FOXP4: variants seen among roughly 807,000 people sequenced by gnomAD.
The protein encoded by FOXP4 is forkhead box protein P4.
A neutral mutation model predicts 82.6 loss-of-function variants in FOXP4; 25 were observed. The ratio of observed to expected loss-of-function variants is 0.30; its 90% confidence interval spans 0.22 to 0.42. FOXP4 has a LOEUF of 0.42. FOXP4 is among the 10% of genes least tolerant of loss of function. The pLI is 1.00. For missense variants in FOXP4, 785 were observed against 900.9 expected (o/e 0.87, Z 1.65); for synonymous variants, 415 against 388.2 (o/e 1.07, Z -0.81).
chr6:41,557,139 G>A (rs1445088753), intron 1 of FOXP4, among the ~76,000 whole-genome samples: 1 of 152,172 alleles, frequency 6.6e-6, no homozygotes, highest in Non-Finnish European at 1.5e-5. Flanking sequence ...TGACCTTAGG[G>A]AACTCACCCA....
intron 1 of FOXP4, among the ~76,000 whole-genome samples, chr6:41,562,067 T>G (rs1764612175): frequency 6.6e-6 from 1 of 152,230 alleles, no homozygotes; most frequent in South Asian, 2.1e-4. Context: ...TCACCCACAG[T>G]GCAGGGAGCA....
rs112013202 is a variant in FOXP4, at chr6:41,546,717, C to T, written c.-167C>T. 1 of 146,556 alleles carries T rather than the reference C, an allele frequency of 6.8e-6. No homozygotes were observed. Among genetic ancestry groups the T allele is most frequent in the Non-Finnish European group, 1.5e-5 (1 of 65,896 alleles). The allele number at this position is 146,556 out of a possible 1,614,324, so 9.1% of individuals were successfully genotyped here. On this transcript the variant is annotated 5_prime_UTR_variant, in exon 1 of 17. Transcript: ENST00000307972. ...GGCGCGCGGCGGTCGGCCCGGCGCG[C>T]TGGGAGGACGCCCGGGAGCTGCGCG...
Position 41,585,466 on chromosome 6 carries a change from C to G in FOXP4, c.459C>G (p.Leu153=). The G allele has an allele frequency of 1.2e-6, 2 of 1,613,920 alleles. No homozygotes were observed. Among genetic ancestry groups the G allele is most frequent in the Non-Finnish European group, 1.7e-6 (2 of 1,179,914 alleles). Residue 153 remains leucine (L), a synonymous_variant, in exon 5 of 17, where the codon CTC becomes CTG. Transcript: ENST00000307972. ...QEYYKKQQEQ[L]HLQLLTQQQA... is the part of the protein sequence containing the mutation. ...ACTACAAGAAGCAGCAGGAGCAGCT[C>G]CACCTGCAGCTCCTCACCCAGCAGC...
intron 1 of FOXP4, among the ~76,000 whole-genome samples, chr6:41,547,748 A>T (rs1763732914): frequency 6.6e-6 from 1 of 151,968 alleles, no homozygotes; most frequent in Non-Finnish European, 1.5e-5. Context: ...GGAGGCCACC[A>T]GGGAAGGAGC....
At chr6:41,564,113 G>A (rs1032571801) in intron 1 of FOXP4, among the ~76,000 whole-genome samples, 7 of 152,214 alleles carry the variant, frequency 4.6e-5, no homozygotes, top group African/African-American at 1.7e-4. Context: ...TGACTCGGGG[G>A]TAGTTGGGGA....
At chr6:41,596,165 T>C (rs1393036453) in intron 14 of FOXP4, among the ~76,000 whole-genome samples, 1 of 152,238 alleles carries the variant, frequency 6.6e-6, no homozygotes, top group Non-Finnish European at 1.5e-5. Context: ...CCCAAAATGC[T>C]GGGATTACAG....
intron 3 of FOXP4, among the ~76,000 whole-genome samples, chr6:41,583,528 G>C (rs1026727913): frequency 2.0e-5 from 3 of 152,236 alleles, no homozygotes; most frequent in Non-Finnish European, 4.4e-5. Context: ...CGGGCTGGCA[G>C]AGGGGCCTCT....
chr6:41,570,079 GACACACACACACACACACAC>G (rs35549847), intron 2 of FOXP4: 2 of 123,704 alleles, frequency 1.6e-5, no homozygotes, highest in African/African-American at 3.8e-5. Flanking sequence ...ACCACCCCCT[GACACACACACACACACACAC>G]ACACACACAC....
At chr6:41,547,234 C>T (rs1581684863) in intron 1 of FOXP4, among the ~76,000 whole-genome samples, 2 of 151,998 alleles carry the variant, frequency 1.3e-5, no homozygotes, top group South Asian at 4.1e-4. Context: ...CCGCCCTTCC[C>T]CAAGAATCTG....
intron 2 of FOXP4, chr6:41,570,049 A>G (rs1765102202): frequency 1.5e-5 from 3 of 202,786 alleles, no homozygotes; most frequent in African/African-American, 2.5e-5. Context: ...GGGAGGATTC[A>G]GAGGGTGAAT....
At chr6:41,555,656 T>C (rs1764234371) in intron 1 of FOXP4, among the ~76,000 whole-genome samples, 1 of 152,216 alleles carries the variant, frequency 6.6e-6, no homozygotes, top group Non-Finnish European at 1.5e-5. Context: ...ACATAAGACG[T>C]CACTATTTAA....
chr6:41,550,315 A>C (rs1471299486), intron 1 of FOXP4, among the ~76,000 whole-genome samples: 1 of 152,234 alleles, frequency 6.6e-6, no homozygotes, highest in African/African-American at 2.4e-5. Flanking sequence ...GTTAGATGAG[A>C]GAGCAGATGT....
chr6:41,595,968 G>GC (rs2127406542), intron 14 of FOXP4, among the ~76,000 whole-genome samples: 1 of 152,286 alleles, frequency 6.6e-6, no homozygotes, highest in Admixed American at 6.5e-5. Flanking sequence ...CACGATTTTG[G>GC]CTCACTGCAA....
intron 3 of FOXP4, among the ~76,000 whole-genome samples, chr6:41,581,444 G>C (rs968828036): frequency 1.3e-5 from 2 of 152,178 alleles, no homozygotes; most frequent in African/African-American, 4.8e-5. Context: ...AGCTGCCGGC[G>C]TTTGGCCCAG....
chr6:41,589,900 C>G, intron 10 of FOXP4, 46 bp downstream of exon 10: 1 of 1,609,738 alleles, frequency 6.2e-7, no homozygotes, highest in Non-Finnish European at 8.5e-7. Flanking sequence ...CTTCCACAGA[C>G]CCTGGAGCCT....
chr6:41,589,951 C>T lies in FOXP4; in HGVS notation c.1150-12C>T, dbSNP rs776241754. On this transcript the variant is annotated splice_polypyrimidine_tract_variant and intron_variant, in intron 10 of 16. Coordinates refer to ENST00000307972, the MANE Select transcript of FOXP4 (RefSeq NM_001012426.2). ...CGGGCACTGGTCTCAGTACCCTCCCCGTTGCTCACAGCTGAACCCGGTCCC... is the reference window on the plus strand; with the variant it reads ...CGGGCACTGGTCTCAGTACCCTCCCTGTTGCTCACAGCTGAACCCGGTCCC... 4.9e-5 allele frequency: 79 copies of T among 1,613,504 alleles called. No homozygotes were observed. Among genetic ancestry groups the T allele is most frequent in the East Asian group, 1.3e-4 (6 of 44,878 alleles).
intron 5 of FOXP4, among the ~76,000 whole-genome samples, chr6:41,586,265 C>A (rs1766110810): frequency 3.3e-5 from 5 of 152,144 alleles, no homozygotes; most frequent in Admixed American, 3.3e-4. Context: ...ATTGAATAGC[C>A]AGCCCCCACC....
intron 1 of FOXP4, among the ~76,000 whole-genome samples, chr6:41,559,073 T>C (rs1451987420): frequency 1.3e-5 from 2 of 152,242 alleles, no homozygotes; most frequent in African/African-American, 4.8e-5. Flanking sequence ...ATTCATTGTA[T>C]ACTTTGCCTG....
intron 11 of FOXP4, 22 bp from the exon 12 acceptor site, chr6:41,590,249 C>A: frequency 6.2e-7 from 1 of 1,613,682 alleles, no homozygotes; most frequent in Non-Finnish European, 8.5e-7. Flanking sequence ...CTGGCTACCT[C>A]ATCCTCTGCC....
Sources: gnomAD v4.1 joint callset for allele counts (sites outside exome capture counted in the v4.1 genomes callset) on GRCh38, gnomAD v4.1.1 for gene constraint, MANE v1.5 for transcripts, NCBI Gene and HGNC (gene_info 2026-07-23, HGNC 2026-07-21) for gene names.